Variants in CD82 observed in about 807,000 individuals in gnomAD.
CD82 encodes the protein CD82 antigen.
In CD82, 36 loss-of-function variants were observed where a neutral mutation model predicts 37.4. The observed-to-expected ratio is 0.96, with a 90% CI of 0.74 to 1.27. The LOEUF is 1.27. Among genes scored for constraint, CD82 ranks in the 50% most tolerant of loss-of-function variants. CD82 has a pLI of 0.00. For synonymous variants in CD82, 158 were observed against 137.4 expected, an observed-to-expected ratio of 1.15 and a Z score of -1.05; for missense variants, 340 against 347.0, an observed-to-expected ratio of 0.98 and a Z score of 0.16.
At chr11:44,570,511 C>T (rs1214398622) in intron 1 of CD82, among the ~76,000 whole-genome samples, 3 of 152,146 alleles carry the variant, frequency 2.0e-5, no homozygotes, top group African/African-American at 4.8e-5. Context: ...TGGGTGAGGC[C>T]GGGGGTATCA....
chr11:44,591,147 C>T (rs762303464), intron 2 of CD82, among the ~76,000 whole-genome samples: 1 of 152,174 alleles, frequency 6.6e-6, no homozygotes, highest in Non-Finnish European at 1.5e-5. Flanking sequence ...TGGGTCTGTC[C>T]CACTTGACTG....
At chr11:44,609,303 G>A (rs1325932852) in intron 6 of CD82, among the ~76,000 whole-genome samples, 3 of 152,262 alleles carry the variant, frequency 2.0e-5, no homozygotes, top group Non-Finnish European at 4.4e-5. Context: ...TCTCTCTAGA[G>A]AGTGGAGGTG....
intron 7 of CD82, among the ~76,000 whole-genome samples, chr11:44,616,429 A>T (rs1260587603): frequency 6.6e-6 from 1 of 152,224 alleles, no homozygotes; most frequent in South Asian, 2.1e-4. Context: ...CACCAGTGAC[A>T]TAAACCAGTG....
Position 44,589,859 on chromosome 11 carries a change from G to A in CD82, c.-21+2303G>A, listed in dbSNP as rs533564574. 1.6e-3 allele frequency among the ~76,000 whole-genome samples: 245 copies of A among 151,092 alleles called. 2 individuals carry two copies. The highest frequency in any genetic ancestry group is 5.7e-3 in the African/African-American group (234 of 41,172). On this transcript the variant is annotated intron_variant, in intron 2 of 9. Transcript: ENST00000227155. ...CTTCGTTTTGTTTTTTTTGAGACGG[G>A]GTCTCGCTCTGTCGCCCAGGCTGGA...
intron 2 of CD82, among the ~76,000 whole-genome samples, chr11:44,591,498 G>A (rs1853145020): frequency 6.6e-6 from 1 of 152,232 alleles, no homozygotes; most frequent in Non-Finnish European, 1.5e-5. Context: ...GCTCCTCTGA[G>A]CAGTCATTTT....
chr11:44,577,272 T>C (rs942456237), intron 1 of CD82, among the ~76,000 whole-genome samples: 1 of 152,210 alleles, frequency 6.6e-6, no homozygotes, highest in African/African-American at 2.4e-5. Flanking sequence ...AAATGTATCA[T>C]GCAGAATTTT....
intron 6 of CD82, among the ~76,000 whole-genome samples, chr11:44,612,623 ATTT>A (rs34301171): frequency 1.6e-5 from 1 of 63,042 alleles, no homozygotes; most frequent in East Asian, 5.4e-4. Context: ...CCCAGCATTA[ATTT>A]TTTTTTTTTT....
intron 1 of CD82, among the ~76,000 whole-genome samples, chr11:44,583,719 CTCTA>C (rs1853013378): frequency 6.6e-6 from 1 of 152,238 alleles, no homozygotes; most frequent in African/African-American, 2.4e-5. Context: ...GTCTCAGTCC[CTCTA>C]TCTGTTAAAT....
chr11:44,599,726 T>C (rs970411733), intron 3 of CD82, among the ~76,000 whole-genome samples: 5 of 152,236 alleles, frequency 3.3e-5, no homozygotes, highest in African/African-American at 1.2e-4. Flanking sequence ...GACCCTGTTG[T>C]TCAGACCTGG....
intron 6 of CD82, 145 bp from the exon 7 acceptor site, chr11:44,615,127 T>C (rs1590351357): frequency 7.8e-6 from 5 of 644,770 alleles, no homozygotes. Context: ...TCGGGCACCC[T>C]GGGAGCGCCA....
In CD82 at chr11:44,597,147, C is replaced by T. The variant is rs1259080101; in HGVS notation, c.63+2422C>T. On this transcript the variant is annotated intron_variant, in intron 3 of 9. Transcript: ENST00000227155. The surrounding 1 kb of genome is among the most constrained non-coding windows in gnomAD (Gnocchi z 4.1). Reference sequence around the variant, plus strand: ...TGGATTTGTGGTTTGGAAAAATCCCCGTGGCTGCTATGTGTGCTCGCGCCT... The same window carrying T: ...TGGATTTGTGGTTTGGAAAAATCCCTGTGGCTGCTATGTGTGCTCGCGCCT... Among the ~76,000 whole-genome samples, 6 of 152,194 alleles carry T rather than the reference C, an allele frequency of 3.9e-5. No individual in the cohort carries two copies. The highest frequency in any genetic ancestry group is 1.9e-4 in the East Asian group (1 of 5,190).
chr11:44,567,948 C>T (rs899174470), intron 1 of CD82, among the ~76,000 whole-genome samples: 2 of 152,168 alleles, frequency 1.3e-5, no homozygotes, highest in South Asian at 2.1e-4. Flanking sequence ...TGAGAATTCT[C>T]GAGAAACCTC....
At chr11:44,600,047 G>A (rs1315249924) in intron 3 of CD82, 111 bp from the exon 4 acceptor site, 1 of 975,490 alleles carries the variant, frequency 1.0e-6, no homozygotes, top group South Asian at 1.4e-5. Flanking sequence ...TGGATGTGGT[G>A]CCCTCTGTGG....
At chr11:44,604,755 A>G (rs1853363076) in intron 4 of CD82, 3 of 408,982 alleles carry the variant, frequency 7.3e-6, no homozygotes, top group South Asian at 4.4e-5. Flanking sequence ...AGAGCAGACA[A>G]TGAGCAAGAA....
At chr11:44,578,753 G>C (rs528700380) in intron 1 of CD82, among the ~76,000 whole-genome samples, 2 of 152,252 alleles carry the variant, frequency 1.3e-5, no homozygotes, top group Admixed American at 1.3e-4. Flanking sequence ...GGATGGCTAG[G>C]TCCAGGACTG....
Position 44,618,285 on chromosome 11 carries a change from G to A in CD82, c.562G>A (p.Val188Met), listed in dbSNP as rs1853596021. Residue 188 changes from valine (V) to methionine (M), a missense_variant, in exon 8 of 10, where the codon GTG (valine) becomes ATG (methionine). Coordinates refer to ENST00000227155, the MANE Select transcript of CD82 (RefSeq NM_002231.4). ...VKGEEDNSLS[V>M]RKGFCEAPGN... ...GGGGGAAGAGGACAACAGCCTTTCT[G>A]TGAGGAAGGGCTTCTGCGAGGCCCC... is the stretch of plus-strand genomic sequence containing the variant. 6.2e-7 allele frequency: 1 copy of A among 1,613,936 alleles called. No individual in the cohort carries two copies. Among genetic ancestry groups the A allele is most frequent in the African/African-American group, 1.3e-5 (1 of 74,910 alleles).
At chr11:44,598,099 A>C (rs753508159) in intron 3 of CD82, among the ~76,000 whole-genome samples, 1 of 152,108 alleles carries the variant, frequency 6.6e-6, no homozygotes, top group Non-Finnish European at 1.5e-5. Flanking sequence ...TTCCGTGTGT[A>C]TAAAATGAGG....
At chr11:44,567,936 C>T (rs575956704) in intron 1 of CD82, among the ~76,000 whole-genome samples, 2 of 152,308 alleles carry the variant, frequency 1.3e-5, no homozygotes, top group East Asian at 1.9e-4. Flanking sequence ...GTCAACCTGT[C>T]CTGAGAATTC....
At chr11:44,565,206 CG>C (rs1852710692), upstream of CD82, among the ~76,000 whole-genome samples, 1 of 151,806 alleles carries the variant, frequency 6.6e-6, no homozygotes, top group Admixed American at 6.6e-5. Flanking sequence ...CAGGCTGGTG[CG>C]GGGAGGGGCG....
Sources: allele counts gnomAD v4.1 joint callset (sites outside exome capture counted in the v4.1 genomes callset), GRCh38; gene constraint gnomAD v4.1.1; non-coding constraint Gnocchi (gnomAD v3.1); transcripts MANE v1.5; gene names NCBI Gene and HGNC (gene_info 2026-07-23, HGNC 2026-07-21).